The following RAPGEF2 variants were observed in gnomAD, a reference collection of about 807,000 sequenced individuals.
RAPGEF2 encodes Rap guanine nucleotide exchange factor 2.
In RAPGEF2, 54 loss-of-function variants were observed where a neutral mutation model predicts 186.7. The ratio of observed to expected loss-of-function variants is 0.29; its 90% confidence interval spans 0.23 to 0.36. The LOEUF is 0.36. RAPGEF2 is among the 10% of genes least tolerant of loss of function. The probability of loss-of-function intolerance (pLI) is 1.00; values close to 1 mark genes in which losing one functional copy is unlikely to be tolerated. For missense variants in RAPGEF2, 1,532 were observed against 2,045.0 expected (o/e 0.75, Z 4.84); for synonymous variants, 712 against 705.9 (o/e 1.01, Z -0.14).
intron 1 of RAPGEF2, among the ~76,000 whole-genome samples, chr4:159,181,747 G>T (rs1747034849): frequency 6.6e-6 from 1 of 152,082 alleles, no homozygotes; most frequent in Admixed American, 6.5e-5. Context: ...ATGTTGGCCA[G>T]GGTGGTCTCG....
chr4:159,323,691 T>A (rs563975247), intron 11 of RAPGEF2, 74 bp downstream of exon 11: 1 of 917,416 alleles, frequency 1.1e-6, no homozygotes, highest in East Asian at 3.4e-5. Flanking sequence ...TGATGAGATT[T>A]TTCTCCCTAT....
chr4:159,152,119 C>T (rs770870176), intron 1 of RAPGEF2, among the ~76,000 whole-genome samples: 8 of 152,110 alleles, frequency 5.3e-5, no homozygotes, highest in African/African-American at 1.4e-4. Context: ...CTCAGGAGTT[C>T]GAGACCAGCC....
intron 4 of RAPGEF2, among the ~76,000 whole-genome samples, chr4:159,213,369 C>A (rs1750701995): frequency 6.6e-6 from 1 of 152,214 alleles, no homozygotes; most frequent in South Asian, 2.1e-4. Context: ...TTATTCTTCA[C>A]CCCAAGTTTT....
At chr4:159,289,537 C>T (rs1760927674) in intron 7 of RAPGEF2, among the ~76,000 whole-genome samples, 1 of 152,120 alleles carries the variant, frequency 6.6e-6, no homozygotes, top group African/African-American at 2.4e-5. Flanking sequence ...TGTTCAATTT[C>T]TCTCAGCCTC....
chr4:159,242,924 G>A lies in RAPGEF2; in HGVS notation c.526-850G>A, dbSNP rs77434606. ...GGGAGTATGGATTATTTAAAATGTA[G>A]CGTTAAAGTTGGTTTGTTTGTTCTT... On this transcript the variant is annotated intron_variant, in intron 6 of 29. Coordinates refer to ENST00000691494, the MANE Select transcript of RAPGEF2 (RefSeq NM_001394067.2). Among the ~76,000 whole-genome samples the A allele has an allele frequency of 8.5e-3, 1,284 of 151,930 alleles. 14 individuals carry two copies. Among genetic ancestry groups the A allele is most frequent in the African/African-American group, 0.028 (1,182 of 41,496 alleles).
At chr4:159,163,720 G>A (rs555163998) in intron 1 of RAPGEF2, among the ~76,000 whole-genome samples, 13 of 152,228 alleles carry the variant, frequency 8.5e-5, no homozygotes, top group Non-Finnish European at 1.8e-4. Context: ...TACTGACTCA[G>A]CACATTTTAA....
intron 17 of RAPGEF2, among the ~76,000 whole-genome samples, chr4:159,336,882 C>A (rs1237376779): frequency 6.6e-6 from 1 of 151,928 alleles, no homozygotes; most frequent in Non-Finnish European, 1.5e-5. Flanking sequence ...GTTTATATTC[C>A]AACTTTAATA....
In RAPGEF2 at chr4:159,241,249, C is replaced by T. The variant is rs1753951718; in HGVS notation, c.406C>T (p.His136Tyr). The change falls in exon 6 of 30, where the codon CAT becomes TAT. Residue 136 changes from histidine to tyrosine, a missense_variant. This residue lies in a region of RAPGEF2 where 810 missense variants were observed against 1,210.5 expected (regional missense o/e 0.67). Transcript: ENST00000691494. Reference protein sequence around the residue: ...NEEYFQRQASHRQSRRRFRKI... With the variant: ...NEEYFQRQASYRQSRRRFRKI... ...AGAATATTTTCAGCGGCAAGCTTCCCATAGACAGTCTCGAAGGAGATTTAG... is the reference window on the plus strand; with the variant it reads ...AGAATATTTTCAGCGGCAAGCTTCCTATAGACAGTCTCGAAGGAGATTTAG... The T allele has an allele frequency of 6.5e-7, 1 of 1,533,618 alleles. No individual in the cohort carries two copies. Among genetic ancestry groups the T allele is most frequent in the Non-Finnish European group, 8.7e-7 (1 of 1,145,482 alleles).
At position 159,353,414 on chromosome 4, in the gene RAPGEF2, T is replaced by C. The variant is rs889991446; in HGVS notation, c.4092-73T>C. The C allele has an allele frequency of 2.4e-5, 29 of 1,225,690 alleles. No homozygotes were observed. Among genetic ancestry groups the C allele is most frequent in the Non-Finnish European group, 2.9e-5 (27 of 916,658 alleles). The allele number at this position is 1,225,690 out of a possible 1,614,324, so 75.9% of individuals were successfully genotyped here. A position where few individuals can be genotyped will look rare whatever the true frequency, so the allele number is the denominator to read the frequency against. On this transcript the variant is annotated intron_variant, in intron 27 of 29. Transcript: ENST00000691494. The surrounding 1 kb of genome is among the most constrained non-coding windows in gnomAD (Gnocchi z 4.3). ...GCTACCTTTCTAGGAAAAAGGGTAT[T>C]TTGGTTTTATCATAGGTGAATTAGT...
At chr4:159,229,555 T>C (rs1289142843) in intron 4 of RAPGEF2, 3 of 152,232 alleles carry the variant, frequency 2.0e-5, no homozygotes, top group East Asian at 1.9e-4. Context: ...TCCCAAACTT[T>C]CATGCGGTGT....
chr4:159,172,585 AAT>A, intron 1 of RAPGEF2, among the ~76,000 whole-genome samples: 1 of 152,310 alleles, frequency 6.6e-6, no homozygotes, highest in Middle Eastern at 3.4e-3. Context: ...CTTATTTATG[AAT>A]GTGATGGAGT....
intron 1 of RAPGEF2, among the ~76,000 whole-genome samples, chr4:159,183,475 G>T (rs1207009713): frequency 6.6e-6 from 1 of 152,166 alleles, no homozygotes; most frequent in Admixed American, 6.5e-5. Context: ...AGAAAATATA[G>T]TAGTAAATCA....
intron 1 of RAPGEF2, among the ~76,000 whole-genome samples, chr4:159,115,675 G>T (rs891032836): frequency 6.6e-6 from 1 of 151,882 alleles, no homozygotes; most frequent in Non-Finnish European, 1.5e-5. Context: ...TGCTACCTGA[G>T]TTCAAACTAT....
intron 6 of RAPGEF2, 120 bp downstream of exon 6, chr4:159,241,488 A>G (rs962378199): frequency 1.2e-4 from 43 of 362,264 alleles, no homozygotes; most frequent in Admixed American, 3.4e-4. Context: ...ATACACACAC[A>G]TTAAGTATAC....
intron 7 of RAPGEF2, among the ~76,000 whole-genome samples, chr4:159,262,463 G>A (rs1756983294): frequency 1.3e-5 from 2 of 152,198 alleles, no homozygotes; most frequent in South Asian, 4.1e-4. Flanking sequence ...CACAACCACT[G>A]TTCAAGGACT....
chr4:159,182,386 CTTTTTTTTTTTT>C (rs575743979), intron 1 of RAPGEF2, among the ~76,000 whole-genome samples: 12 of 85,674 alleles, frequency 1.4e-4, no homozygotes, highest in South Asian at 9.3e-4. Flanking sequence ...TTCTTTTCTT[CTTTTTTTTTTTT>C]TTTTTTTTTT....
At chr4:159,306,237 G>A (rs1327631619) in intron 8 of RAPGEF2, among the ~76,000 whole-genome samples, 3 of 151,766 alleles carry the variant, frequency 2.0e-5, no homozygotes, top group Non-Finnish European at 4.4e-5. Flanking sequence ...TCATTTTAAT[G>A]ATATTAATTC....
At chr4:159,144,890 T>G (rs1364827756) in intron 1 of RAPGEF2, among the ~76,000 whole-genome samples, 1 of 55,988 alleles carries the variant, frequency 1.8e-5, no homozygotes, top group East Asian at 3.3e-4. Context: ...TTTTTTTTTT[T>G]TTTTTTTTTT....
chr4:159,315,104 G>T (rs1296303307), intron 9 of RAPGEF2, among the ~76,000 whole-genome samples: 3 of 151,610 alleles, frequency 2.0e-5, no homozygotes, highest in Non-Finnish European at 4.4e-5. Flanking sequence ...CGTGAGCACT[G>T]TTTTTATTAA....
Sources: gnomAD v4.1 joint callset for allele counts (sites outside exome capture counted in the v4.1 genomes callset) on GRCh38, gnomAD v4.1.1 for gene constraint, gnomAD v4.1.1 regional missense constraint, Gnocchi (gnomAD v3.1) non-coding constraint, MANE v1.5 for transcripts, NCBI Gene and HGNC (gene_info 2026-07-23, HGNC 2026-07-21) for gene names.